PPP2R3B: variants seen among roughly 807,000 people sequenced by gnomAD.
The protein encoded by PPP2R3B is serine/threonine-protein phosphatase 2A regulatory subunit B'' subunit beta.
In PPP2R3B, 68 loss-of-function variants were observed where a neutral mutation model predicts 72.9. The ratio of observed to expected loss-of-function variants is 0.93; its 90% confidence interval spans 0.77 to 1.14. The LOEUF is 1.14. Ranked by LOEUF, PPP2R3B falls within the 50% of genes most tolerant of loss-of-function variation. PPP2R3B has a pLI of 0.00. For synonymous variants in PPP2R3B, 466 were observed against 375.8 expected (o/e 1.24, Z -2.78); for missense variants, 1,018 against 842.0 (o/e 1.21, Z -2.59).
chrX:341,300 A>G lies in PPP2R3B; in HGVS notation c.1175+7T>C. On this transcript the variant is annotated splice_region_variant and intron_variant, in intron 9 of 12. Transcript: ENST00000390665. Reference sequence around the variant, plus strand: ...TGGGACAAACGCATGCCGCAGCAGGAACCCACCTGGTCGGTGTTTTTTTGT... The same window carrying G: ...TGGGACAAACGCATGCCGCAGCAGGGACCCACCTGGTCGGTGTTTTTTTGT... The G allele has an allele frequency of 1.9e-6, 3 of 1,612,594 alleles. No homozygotes were observed. The South Asian group carries it at 3.3e-5, about 18-fold the overall frequency.
chrX:344,902 C>T lies in PPP2R3B; in HGVS notation c.1036+614G>A, dbSNP rs762535872. 7 of 336,150 alleles carry T rather than the reference C, an allele frequency of 2.1e-5. No homozygotes were observed. The East Asian group carries it at 3.1e-4, about 15-fold the overall frequency. 20.8% of individuals were successfully genotyped at this position (336,150 alleles called of 1,614,324 possible). A position where few individuals can be genotyped will look rare whatever the true frequency, so the allele number is the denominator to read the frequency against. ...AACAGATGCCACCGTAATTCGGAAA[C>T]AGTCTTGGTCATATGGTTTTTTGGG... On this transcript the variant is annotated intron_variant, in intron 7 of 12. Transcript: ENST00000390665.
intron 2 of PPP2R3B, among the ~76,000 whole-genome samples, chrX:358,077 G>C (rs2071470912): frequency 6.6e-6 from 1 of 152,182 alleles, no homozygotes; most frequent in African/African-American, 2.4e-5. Context: ...GTGACTCCAG[G>C]CCCTCATTCA....
intron 2 of PPP2R3B, among the ~76,000 whole-genome samples, chrX:354,334 A>G (rs767210995): frequency 2.0e-5 from 3 of 151,232 alleles, no homozygotes; most frequent in South Asian, 4.2e-4. Context: ...CCAGTCCTTC[A>G]TGACCACAGA....
intron 1 of PPP2R3B, among the ~76,000 whole-genome samples, chrX:378,742 CAAG>C (rs2072052636): frequency 6.6e-6 from 1 of 152,130 alleles, no homozygotes; most frequent in Non-Finnish European, 1.5e-5. Flanking sequence ...TCGGAGGTTG[CAAG>C]AAGGGTTTTC....
chrX:382,731 T>G (rs2072153435), intron 1 of PPP2R3B, among the ~76,000 whole-genome samples: 2 of 152,164 alleles, frequency 1.3e-5, no homozygotes, highest in Admixed American at 1.3e-4. Flanking sequence ...AGACCTGACC[T>G]TCCGTCAATA....
chrX:338,533 C>CTCACCCGTCCTCCCAG, intron 12 of PPP2R3B, 71 bp downstream of exon 12: 1 of 379,372 alleles, frequency 2.6e-6, no homozygotes, highest in East Asian at 9.3e-5. Context: ...CGTCCTCCCA[C>CTCACCCGTCCTCCCAG]TCACCCGTCC....
At chrX:365,499 C>T (rs1395021815) in intron 1 of PPP2R3B, among the ~76,000 whole-genome samples, 1 of 25,668 alleles carries the variant, frequency 3.9e-5, no homozygotes, top group Non-Finnish European at 6.0e-5. Flanking sequence ...GCTGAGATCG[C>T]ACTACTGCAC....
intron 8 of PPP2R3B, 85 bp downstream of exon 8, chrX:341,798 A>G (rs6603234): frequency 0.31 from 451,350 of 1,451,486 alleles, 72,241 homozygotes; most frequent in African/African-American, 0.44. Context: ...GGGGCACAAA[A>G]AGCTCACGTC....
At position 368,892 on chromosome X, in the gene PPP2R3B, C is replaced by T. The variant is rs779168183; in HGVS notation, c.325-7302G>A. On this transcript the variant is annotated intron_variant, in intron 1 of 12. Coordinates refer to ENST00000390665, the MANE Select transcript of PPP2R3B (RefSeq NM_013239.5). ...CAGGACCACCCACCCTGGGCACCGA[C>T]GGGGGGAAAGCCGGGACCACCCACC... Among the ~76,000 whole-genome samples the T allele has an allele frequency of 8.9e-4, 133 of 149,624 alleles. 5 individuals are homozygous for T. Among genetic ancestry groups the T allele is most frequent in the Non-Finnish European group, 1.3e-3 (88 of 67,282 alleles).
intron 1 of PPP2R3B, among the ~76,000 whole-genome samples, chrX:370,805 G>A (rs758517120): frequency 2.6e-5 from 4 of 152,342 alleles, no homozygotes; most frequent in South Asian, 2.1e-4. Context: ...CAGGAGGTGC[G>A]TCAGGGACGC....
intron 1 of PPP2R3B, among the ~76,000 whole-genome samples, chrX:373,377 G>A (rs1330835421): frequency 1.3e-5 from 2 of 152,180 alleles, no homozygotes; most frequent in East Asian, 3.9e-4. Flanking sequence ...GCCCACAACT[G>A]GCCCTGTAAA....
intron 1 of PPP2R3B, among the ~76,000 whole-genome samples, chrX:380,687 AG>A: frequency 6.7e-6 from 1 of 148,160 alleles, no homozygotes. Flanking sequence ...CGGGAGGCTG[AG>A]GCAGGAGACT....
At chrX:356,588 G>C (rs763187097) in intron 2 of PPP2R3B, among the ~76,000 whole-genome samples, 1 of 152,066 alleles carries the variant, frequency 6.6e-6, no homozygotes, top group Non-Finnish European at 1.5e-5. Context: ...TCACCTCTGC[G>C]GTATTAATCA....
rs778625914 is a variant in PPP2R3B at position 334,499 on chromosome X, G to T, written c.1596C>A (p.Ser532Arg). Reference protein sequence around the residue: ...PWEDGFEAELSPVEQKLSALR... With the variant: ...PWEDGFEAELRPVEQKLSALR... ...GCGCACTCAGCTTCTGCTCCACAGG[G>T]CTGAGCTCGGCCTCGAACCTGCAAC... The change falls in exon 13 of 13, where the codon AGC (serine) becomes AGA (arginine). Residue 532 changes from serine (S) to arginine (R), a missense_variant. Transcript: ENST00000390665. The T allele has an allele frequency of 4.5e-5, 71 of 1,560,708 alleles. No homozygotes were observed. In the South Asian group the frequency reaches 7.1e-4, roughly 16 times the overall value.
At chrX:366,828 A>C (rs754863777) in intron 1 of PPP2R3B, among the ~76,000 whole-genome samples, 11 of 127,406 alleles carry the variant, frequency 8.6e-5, no homozygotes, top group Admixed American at 7.2e-4. Context: ...GCACTACTGC[A>C]CTCCAGCCTG....
intron 1 of PPP2R3B, among the ~76,000 whole-genome samples, chrX:381,932 ATCTT>A (rs1428021410): frequency 2.0e-5 from 3 of 152,118 alleles, no homozygotes; most frequent in African/African-American, 7.2e-5. Flanking sequence ...GAACAGACAC[ATCTT>A]TCTAAGTTAT....
chrX:340,507 C>T (rs2071032869), intron 10 of PPP2R3B, among the ~76,000 whole-genome samples: 1 of 129,744 alleles, frequency 7.7e-6, no homozygotes, highest in Admixed American at 7.3e-5. Context: ...CGTCCCCTCA[C>T]CCTGGGCCGT....
rs777620597 is a variant in PPP2R3B at position 346,756 on chromosome X, G to A, written c.737C>T (p.Pro246Leu). 4 of 1,610,348 alleles carry A rather than the reference G, an allele frequency of 2.5e-6. No homozygotes were observed. Among genetic ancestry groups the A allele is most frequent in the East Asian group, 4.5e-5 (2 of 44,824 alleles). The change falls in exon 5 of 13, where the codon CCG becomes CTG. Residue 246 changes from proline to leucine, a missense_variant. Physicochemically the swap from Pro to Leu is moderately conservative, Grantham distance 98 (BLOSUM62 -3). Transcript: ENST00000390665. ...PFLQDVVNTHPGLSFLKEASE... is the reference protein window; with the variant it reads ...PFLQDVVNTHLGLSFLKEASE... ...CGCCTCCTTCAGGAACGACAGCCCC[G>A]GGTGCGTGTTCACCACGTCCTGCGG...
intron 8 of PPP2R3B, 38 bp from the exon 9 acceptor site, chrX:341,434 G>C: frequency 6.2e-7 from 1 of 1,600,916 alleles, no homozygotes; most frequent in Non-Finnish European, 8.6e-7. Context: ...GAAGATGCAT[G>C]TCAGGGAGAG....
Sources: allele counts gnomAD v4.1 joint callset (sites outside exome capture counted in the v4.1 genomes callset), GRCh38; gene constraint gnomAD v4.1.1; transcripts MANE v1.5; gene names NCBI Gene and HGNC (gene_info 2026-07-23, HGNC 2026-07-21).